The following STK3 variants were observed in gnomAD, a reference collection of about 807,000 sequenced individuals.
STK3 encodes serine/threonine-protein kinase 3.
In STK3, 41 loss-of-function variants were observed where a neutral mutation model predicts 58.0. The ratio of observed to expected loss-of-function variants is 0.71; its 90% CI spans 0.55 to 0.92. STK3 has a LOEUF of 0.92. Among genes scored for constraint, STK3 ranks in the 40% least tolerant of loss-of-function variants. STK3 has a pLI of 0.00. For missense variants in STK3, 479 were observed against 602.7 expected (o/e 0.79, Z 2.15); for synonymous variants, 170 against 191.0 (o/e 0.89, Z 0.91).
chr8:98,879,216 A>G (rs1837702528), downstream of STK3: 1 of 152,230 alleles, frequency 6.6e-6, no homozygotes, highest in Non-Finnish European at 1.5e-5. Flanking sequence ...CATCTAATAC[A>G]GTGTAAATGC....
At chr8:98,922,334 GCT>G (rs1160838642) in intron 1 of STK3, among the ~76,000 whole-genome samples, 1 of 152,130 alleles carries the variant, frequency 6.6e-6, no homozygotes, top group Non-Finnish European at 1.5e-5. Context: ...GGGTTATTGG[GCT>G]TCAGAGAGTC....
At chr8:98,460,185 C>T (rs1819837951) in intron 10 of STK3, among the ~76,000 whole-genome samples, 1 of 152,218 alleles carries the variant, frequency 6.6e-6, no homozygotes, top group Non-Finnish European at 1.5e-5. Flanking sequence ...CCTCTTGCAT[C>T]AATGTGACCC....
In STK3 at chr8:98,764,368, T is replaced by C. The variant is rs1430346349; in HGVS notation, c.236+2875A>G. Among the ~76,000 whole-genome samples, 3 of 152,166 alleles carry C rather than the reference T, an allele frequency of 2.0e-5. No individual in the cohort carries two copies. The South Asian group carries it at 6.2e-4, about 31-fold the overall frequency. ...CATACCACACCCTTTCATTCATTCA[T>C]CAAAAAGTATACTGCTAGGCGCTGA... On this transcript the variant is annotated intron_variant, in intron 3 of 10. Coordinates refer to ENST00000419617, the MANE Select transcript of STK3 (RefSeq NM_006281.4).
At chr8:98,835,304 T>A (rs1054333018) in intron 3 of STK3, among the ~76,000 whole-genome samples, 1 of 152,228 alleles carries the variant, frequency 6.6e-6, no homozygotes, top group South Asian at 2.1e-4. Flanking sequence ...CTAGGTCCTT[T>A]AAGTAATTTT....
At chr8:98,391,082 T>G (rs1395864723), upstream of STK3, among the ~76,000 whole-genome samples, 2 of 152,204 alleles carry the variant, frequency 1.3e-5, no homozygotes, top group African/African-American at 2.4e-5. Flanking sequence ...TTGTCTGTTT[T>G]TTTATGTGCC....
At position 98,749,156 on chromosome 8, in the gene STK3, C is replaced by T. The variant is rs1001504130; in HGVS notation, c.351+120G>A. On this transcript the variant is annotated intron_variant, in intron 4 of 10. Coordinates refer to ENST00000419617, the MANE Select transcript of STK3 (RefSeq NM_006281.4). Reference sequence around the variant, plus strand: ...CACCTCCTACTAGATATCTTTACACCACTTAAAACCTTTTCTTTTTTCATG... The same window carrying T: ...CACCTCCTACTAGATATCTTTACACTACTTAAAACCTTTTCTTTTTTCATG... The T allele has an allele frequency of 1.7e-5, 11 of 659,854 alleles. No individual in the cohort carries two copies. In the African/African-American group the frequency reaches 1.7e-4, roughly 10 times the overall value. 40.9% of individuals were successfully genotyped at this position (659,854 alleles called of 1,614,324 possible). A position where few individuals can be genotyped will look rare whatever the true frequency, so the allele number is the denominator to read the frequency against.
At chr8:98,358,521 T>C in the STK3 span, among the ~76,000 whole-genome samples, 6 of 152,096 alleles carry the variant, frequency 3.9e-5, no homozygotes, top group Admixed American at 6.5e-5. Flanking sequence ...TGTGACTTCT[T>C]TGAGGAATCT....
chr8:98,919,482 G>T (rs989554736), intron 1 of STK3, among the ~76,000 whole-genome samples: 1 of 152,282 alleles, frequency 6.6e-6, no homozygotes, highest in East Asian at 1.9e-4. Context: ...AACAATGGTT[G>T]CCTAGGGGGG....
At chr8:98,552,323 T>C (rs1811233729) in intron 8 of STK3, among the ~76,000 whole-genome samples, 1 of 152,064 alleles carries the variant, frequency 6.6e-6, no homozygotes, top group Non-Finnish European at 1.5e-5. Flanking sequence ...GACATGTTAC[T>C]CTCCTGCTAA....
chr8:98,356,221 C>T, the STK3 span, among the ~76,000 whole-genome samples: 4 of 152,190 alleles, frequency 2.6e-5, no homozygotes, highest in Non-Finnish European at 4.4e-5. Context: ...CCCCTTGAAT[C>T]CCTTGTCCCT....
chr8:98,602,756 G>A (rs1428225126), intron 6 of STK3, among the ~76,000 whole-genome samples: 3 of 151,880 alleles, frequency 2.0e-5, no homozygotes, highest in Non-Finnish European at 4.4e-5. Flanking sequence ...AAGAGAGAAG[G>A]GCAATAGAAA....
chr8:98,550,101 A>G (rs1811042378), intron 8 of STK3, among the ~76,000 whole-genome samples: 1 of 150,966 alleles, frequency 6.6e-6, no homozygotes, highest in African/African-American at 2.5e-5. Flanking sequence ...GTAGAAACAT[A>G]TAAGCAAAAT....
At chr8:98,717,668 G>A (rs1419976485) in intron 4 of STK3, among the ~76,000 whole-genome samples, 2 of 152,076 alleles carry the variant, frequency 1.3e-5, no homozygotes, top group Non-Finnish European at 2.9e-5. Context: ...CCACTTTTGG[G>A]TAAATACTCA....
At chr8:98,473,114 T>C (rs1041693506) in intron 10 of STK3, among the ~76,000 whole-genome samples, 4 of 152,206 alleles carry the variant, frequency 2.6e-5, no homozygotes, top group African/African-American at 7.2e-5. Flanking sequence ...TTGAAAGTAC[T>C]ATGAAATTCA....
At chr8:98,657,137 T>A (rs1441892644) in intron 6 of STK3, among the ~76,000 whole-genome samples, 1 of 151,812 alleles carries the variant, frequency 6.6e-6, no homozygotes, top group Non-Finnish European at 1.5e-5. Context: ...GAAAGGAAAA[T>A]CTTCTATAAT....
chr8:98,649,393 A>G (rs2130682913), intron 6 of STK3, among the ~76,000 whole-genome samples: 1 of 152,242 alleles, frequency 6.6e-6, no homozygotes, highest in South Asian at 2.1e-4. Context: ...TGCATTTCCT[A>G]TGTTGGTTAG....
intron 3 of STK3, among the ~76,000 whole-genome samples, chr8:98,874,159 T>C (rs1268224413): frequency 2.6e-5 from 4 of 152,244 alleles, no homozygotes; most frequent in Non-Finnish European, 2.9e-5. Context: ...TTAAGAATGT[T>C]GAATATTGGC....
At chr8:98,649,387 T>C (rs1820692664) in intron 6 of STK3, among the ~76,000 whole-genome samples, 1 of 152,172 alleles carries the variant, frequency 6.6e-6, no homozygotes, top group Non-Finnish European at 1.5e-5. Flanking sequence ...AGCTCCTGCA[T>C]TTCCTATGTT....
At chr8:98,814,292 C>A (rs997425272) in intron 1 of STK3, among the ~76,000 whole-genome samples, 1 of 151,688 alleles carries the variant, frequency 6.6e-6, no homozygotes, top group Admixed American at 6.6e-5. Context: ...CTCAGGTGAT[C>A]CACCTGCCTC....
Sources: gnomAD v4.1 joint callset for allele counts (sites outside exome capture counted in the v4.1 genomes callset) on GRCh38, gnomAD v4.1.1 for gene constraint, MANE v1.5 for transcripts, NCBI Gene and HGNC (gene_info 2026-07-23, HGNC 2026-07-21) for gene names.